Variants in NRXN1 observed in about 807,000 individuals in gnomAD.
The protein encoded by NRXN1 is neurexin 1.
NRXN1 carries 39 observed loss-of-function variants against 150.9 expected under a neutral mutation model. The observed-to-expected ratio is 0.26, with a 90% CI of 0.20 to 0.34. The LOEUF (loss-of-function observed/expected upper bound fraction) is 0.34. Ranked by LOEUF, NRXN1 falls within the 10% of genes least tolerant of loss-of-function variation. The pLI, the probability that NRXN1 is intolerant of heterozygous loss-of-function variation, is 1.00. For missense variants in NRXN1, 1,815 were observed against 1,949.9 expected (o/e 0.93, Z 1.30); for synonymous variants, 924 against 757.0 (o/e 1.22, Z -3.62).
chr2:50,162,195 T>A (rs1400745067), intron 18 of NRXN1, among the ~76,000 whole-genome samples: 1 of 152,080 alleles, frequency 6.6e-6, no homozygotes, highest in Non-Finnish European at 1.5e-5. Flanking sequence ...GATCTATCAT[T>A]CAGGACAATA....
At chr2:50,829,702 G>A (rs973866785) in intron 5 of NRXN1, 44 of 1,601,810 alleles carry the variant, frequency 2.7e-5, no homozygotes, top group East Asian at 4.5e-5. Context: ...CAGGCCGCCC[G>A]CACACCCAGA....
intron 17 of NRXN1, among the ~76,000 whole-genome samples, chr2:50,374,090 G>GGAATTCAA (rs67173157): frequency 0.56 from 84,957 of 150,626 alleles, 26,160 homozygotes; most frequent in East Asian, 0.92. Context: ...CTTCATCTCA[G>GGAATTCAA]GACTAGCCTG....
chr2:50,978,943 G>A (rs1011076789), intron 2 of NRXN1, among the ~76,000 whole-genome samples: 1 of 151,986 alleles, frequency 6.6e-6, no homozygotes, highest in Non-Finnish European at 1.5e-5. Flanking sequence ...TTTAAATGTA[G>A]TATAAACTTC....
At chr2:50,016,409 G>A (rs181602757) in intron 21 of NRXN1, 2 of 152,264 alleles carry the variant, frequency 1.3e-5, no homozygotes, top group African/African-American at 4.8e-5. Context: ...TGAAAGCAGT[G>A]GGGCTATGTA....
At chr2:50,538,786 A>G in intron 9 of NRXN1, 150 bp from the exon 10 acceptor site, 1 of 579,136 alleles carries the variant, frequency 1.7e-6, no homozygotes, top group Non-Finnish European at 2.6e-6. Context: ...TATTTCCTAG[A>G]GAAATTAAGA....
chr2:50,182,409 C>A (rs947659498), intron 18 of NRXN1, among the ~76,000 whole-genome samples: 3 of 152,020 alleles, frequency 2.0e-5, no homozygotes, highest in Admixed American at 6.6e-5. Flanking sequence ...ATGGCTCCCA[C>A]GTTTTGGATA....
At chr2:50,407,444 C>A (rs918387426) in intron 17 of NRXN1, among the ~76,000 whole-genome samples, 1 of 152,150 alleles carries the variant, frequency 6.6e-6, no homozygotes, top group Non-Finnish European at 1.5e-5. Context: ...TGTCTTCAGC[C>A]TCATTGATAT....
intron 17 of NRXN1, among the ~76,000 whole-genome samples, chr2:50,371,171 T>C (rs1443166712): frequency 2.0e-5 from 3 of 151,996 alleles, no homozygotes; most frequent in Non-Finnish European, 2.9e-5. Context: ...CAATTGTCTT[T>C]TATTACAAAG....
chr2:50,198,696 A>G (rs2061933668), intron 18 of NRXN1, among the ~76,000 whole-genome samples: 1 of 152,114 alleles, frequency 6.6e-6, no homozygotes, highest in African/African-American at 2.4e-5. Flanking sequence ...ATGTCATTAA[A>G]GTGCAGGGAT....
intron 18 of NRXN1, among the ~76,000 whole-genome samples, chr2:50,212,425 C>G (rs528366077): frequency 6.8e-6 from 1 of 148,118 alleles, no homozygotes; most frequent in Non-Finnish European, 1.5e-5. Flanking sequence ...CTGTGTGTGA[C>G]CCTACAACTT....
At chr2:50,556,046 C>A (rs1007451054) in intron 8 of NRXN1, among the ~76,000 whole-genome samples, 1 of 152,172 alleles carries the variant, frequency 6.6e-6, no homozygotes, top group African/African-American at 2.4e-5. Flanking sequence ...TGAGAAGAAG[C>A]ACACTATGTA....
intron 5 of NRXN1, among the ~76,000 whole-genome samples, chr2:50,747,220 C>G (rs897794835): frequency 3.9e-5 from 6 of 152,094 alleles, no homozygotes; most frequent in African/African-American, 1.4e-4. Context: ...GTTTTCCACT[C>G]AAACCACTGA....
chr2:50,483,376 C>T lies in NRXN1; in HGVS notation c.3071-10905G>A, dbSNP rs535721996. 4.6e-5 allele frequency among the ~76,000 whole-genome samples: 7 copies of T among 152,236 alleles called. No homozygotes were observed. The South Asian group carries it at 8.3e-4, about 18-fold the overall frequency. On this transcript the variant is annotated intron_variant, in intron 15 of 22. Coordinates refer to ENST00000401669, the MANE Select transcript of NRXN1 (RefSeq NM_001330078.2). ...GTATACTCAGTTCAGCAGTCCATGA[C>T]GCTGTTCTGCCTATAAAGTAGGCAT...
chr2:50,416,111 T>A (rs879626857), intron 17 of NRXN1, among the ~76,000 whole-genome samples: 1 of 152,052 alleles, frequency 6.6e-6, no homozygotes, highest in Admixed American at 6.6e-5. Context: ...GAGCTTATAC[T>A]TCAGTGGAGA....
chr2:51,008,287 T>C (rs1667337057), intron 2 of NRXN1, among the ~76,000 whole-genome samples: 1 of 151,898 alleles, frequency 6.6e-6, no homozygotes, highest in Non-Finnish European at 1.5e-5. Context: ...GGGTTTACTT[T>C]TGATCCTTTG....
At chr2:50,441,385 G>T (rs957075272) in intron 17 of NRXN1, among the ~76,000 whole-genome samples, 5 of 151,998 alleles carry the variant, frequency 3.3e-5, no homozygotes. Flanking sequence ...AATAAGTAGA[G>T]ATATATTTCT....
chr2:50,082,301 C>T (rs1210895104), intron 19 of NRXN1, among the ~76,000 whole-genome samples: 1 of 152,154 alleles, frequency 6.6e-6, no homozygotes, highest in Non-Finnish European at 1.5e-5. Flanking sequence ...TAATGCTATT[C>T]TCTGTTTAAC....
chr2:50,699,454 G>A (rs143628230), intron 5 of NRXN1, among the ~76,000 whole-genome samples: 20 of 152,188 alleles, frequency 1.3e-4, no homozygotes, highest in African/African-American at 3.6e-4. Flanking sequence ...GCTTTGTTTG[G>A]AGCAGGAGAG....
rs1256837635 is a variant in NRXN1 at position 49,919,177 on chromosome 2, G to C, written c.*2767C>G. ...AGAGATGTAATCAAATTTATGCCAA[G>C]TCGTGTGAAATCCTCAATCAACTGC... On this transcript the variant is annotated 3_prime_UTR_variant, in exon 23 of 23. Transcript: ENST00000401669. The C allele has an allele frequency of 1.3e-5, 2 of 152,082 alleles. No individual in the cohort carries two copies. Among genetic ancestry groups the C allele is most frequent in the African/African-American group, 4.8e-5 (2 of 41,446 alleles). 9.4% of individuals were successfully genotyped at this position (152,082 alleles called of 1,614,324 possible).
Sources: gnomAD v4.1 joint callset for allele counts (sites outside exome capture counted in the v4.1 genomes callset) on GRCh38, gnomAD v4.1.1 for gene constraint, MANE v1.5 for transcripts, NCBI Gene and HGNC (gene_info 2026-07-23, HGNC 2026-07-21) for gene names.